ITPR1: variants seen among roughly 807,000 people sequenced by gnomAD.
ITPR1 encodes the protein inositol 1,4,5-trisphosphate-gated calcium channel ITPR1.
ITPR1 carries 96 observed loss-of-function variants against 318.4 expected under a neutral mutation model. That is an observed-to-expected ratio of 0.30 (90% confidence interval 0.26 to 0.36). ITPR1 has a LOEUF of 0.36. Among genes scored for constraint, ITPR1 ranks in the 10% least tolerant of loss-of-function variants. The pLI, the probability that ITPR1 is intolerant of heterozygous loss-of-function variation, is 1.00. For missense variants in ITPR1, 2,440 were observed against 3,460.2 expected (o/e 0.71, Z 7.40); for synonymous variants, 1,312 against 1,289.9 (o/e 1.02, Z -0.37).
intron 40 of ITPR1, among the ~76,000 whole-genome samples, chr3:4,722,855 A>C (rs1020030569): frequency 1.3e-5 from 2 of 152,240 alleles, no homozygotes; most frequent in Non-Finnish European, 2.9e-5. Context: ...AGGAATCCTA[A>C]AGAATATTTG....
chr3:4,708,748 A>G (rs919149060), intron 37 of ITPR1, among the ~76,000 whole-genome samples: 4 of 152,244 alleles, frequency 2.6e-5, no homozygotes, highest in African/African-American at 9.6e-5. Flanking sequence ...AAGGATTTGC[A>G]TTATCCAGTT....
intron 54 of ITPR1, among the ~76,000 whole-genome samples, 194 bp downstream of exon 54, chr3:4,800,794 C>T (rs1450421039): frequency 6.6e-6 from 1 of 152,160 alleles, no homozygotes; most frequent in African/African-American, 2.4e-5. Flanking sequence ...GTGCAGTGAG[C>T]CTTGTAATGG....
chr3:4,796,417 G>T (rs188108455), intron 53 of ITPR1, among the ~76,000 whole-genome samples: 1 of 152,242 alleles, frequency 6.6e-6, no homozygotes, highest in Admixed American at 6.5e-5. Flanking sequence ...TAACCCTGCT[G>T]CCAGACAGCA....
At chr3:4,501,678 C>T (rs1236879943) in intron 2 of ITPR1, among the ~76,000 whole-genome samples, 4 of 152,232 alleles carry the variant, frequency 2.6e-5, no homozygotes, top group Non-Finnish European at 5.9e-5. Flanking sequence ...AGGCTAATCA[C>T]CAACCTGAGG....
chr3:4,808,534 C>A (rs150795441), intron 55 of ITPR1, among the ~76,000 whole-genome samples: 88 of 152,316 alleles, frequency 5.8e-4, no homozygotes, highest in African/African-American at 2.0e-3. Flanking sequence ...TAGGATCAAA[C>A]CAGATTATGG....
At chr3:4,814,050 C>A (rs999752235) in intron 57 of ITPR1, among the ~76,000 whole-genome samples, 5 of 152,176 alleles carry the variant, frequency 3.3e-5, no homozygotes, top group Non-Finnish European at 7.3e-5. Flanking sequence ...AACCTGTGTC[C>A]TGTGGCATAA....
In ITPR1 at chr3:4,826,793, C is replaced by T. The variant is rs938441197; in HGVS notation, c.8028+8551C>T. Among the ~76,000 whole-genome samples, 29 of 152,156 alleles carry T rather than the reference C, an allele frequency of 1.9e-4. No homozygotes were observed. The highest frequency in any genetic ancestry group is 3.8e-4 in the Non-Finnish European group (26 of 68,020). On this transcript the variant is annotated intron_variant, in intron 60 of 61. Coordinates refer to ENST00000649015, the MANE Select transcript of ITPR1 (RefSeq NM_001378452.1). The surrounding 1 kb of genome is among the most constrained non-coding windows in gnomAD (Gnocchi z 4.2). ...GCACTGACCTCCCAGTGCTCTCCTCCGAATTTCCTACATTCTGACCTTCGT... is the reference window on the plus strand; with the variant it reads ...GCACTGACCTCCCAGTGCTCTCCTCTGAATTTCCTACATTCTGACCTTCGT...
intron 4 of ITPR1, among the ~76,000 whole-genome samples, chr3:4,599,331 G>A (rs1224541647): frequency 6.6e-6 from 1 of 152,084 alleles, no homozygotes; most frequent in African/African-American, 2.4e-5. Flanking sequence ...CTTGTTTTTT[G>A]TTTAACTTGC....
intron 49 of ITPR1, among the ~76,000 whole-genome samples, chr3:4,781,168 C>T (rs951753979): frequency 6.6e-6 from 1 of 152,246 alleles, no homozygotes; most frequent in African/African-American, 2.4e-5. Flanking sequence ...TCCACCGTTA[C>T]TTCCAGGGCC....
At chr3:4,580,844 A>T (rs770207689) in intron 4 of ITPR1, among the ~76,000 whole-genome samples, 3 of 151,566 alleles carry the variant, frequency 2.0e-5, no homozygotes, top group Non-Finnish European at 4.4e-5. Flanking sequence ...ACATAGGGTG[A>T]GTGGCGCCCT....
At chr3:4,805,707 C>G (rs1372105358) in intron 54 of ITPR1, among the ~76,000 whole-genome samples, 1 of 152,172 alleles carries the variant, frequency 6.6e-6, no homozygotes, top group East Asian at 1.9e-4. Flanking sequence ...TCAGAAAATG[C>G]TTTTGATCAT....
At chr3:4,713,570 C>T (rs953618494) in intron 39 of ITPR1, among the ~76,000 whole-genome samples, 2 of 152,142 alleles carry the variant, frequency 1.3e-5, no homozygotes, top group African/African-American at 4.8e-5. Flanking sequence ...CCTGCCCCTA[C>T]CCATTAGTGC....
At chr3:4,657,437 C>T (rs1480183056) in intron 12 of ITPR1, among the ~76,000 whole-genome samples, 2 of 147,544 alleles carry the variant, frequency 1.4e-5, no homozygotes, top group Admixed American at 1.4e-4. Context: ...CTTCCACGGT[C>T]ATCTCTTAGT....
At chr3:4,740,633 G>A (rs2043631728) in intron 44 of ITPR1, among the ~76,000 whole-genome samples, 1 of 152,120 alleles carries the variant, frequency 6.6e-6, no homozygotes, top group Admixed American at 6.5e-5. Flanking sequence ...ACTCCCAGGG[G>A]TGGTGTCCCC....
rs182049467 is a variant in ITPR1, at chr3:4,564,866, G to A, written c.163+43772G>A. ...AGGAGTTTAAAAAAGGGGTTTTCCAGCGCTAGACAAATTCTAAAAGAGCTG... is the reference window on the plus strand; with the variant it reads ...AGGAGTTTAAAAAAGGGGTTTTCCAACGCTAGACAAATTCTAAAAGAGCTG... On this transcript the variant is annotated intron_variant, in intron 4 of 61. Transcript: ENST00000649015. Among the ~76,000 whole-genome samples the A allele has an allele frequency of 4.6e-5, 7 of 152,288 alleles. No individual in the cohort carries two copies. The East Asian group carries it at 9.6e-4, about 21-fold the overall frequency.
At chr3:4,669,992 G>C (rs2094038478) in intron 19 of ITPR1, among the ~76,000 whole-genome samples, 1 of 152,182 alleles carries the variant, frequency 6.6e-6, no homozygotes, top group African/African-American at 2.4e-5. Flanking sequence ...TTGCATACAA[G>C]TTTAGAAGTC....
At chr3:4,564,103 G>A (rs1042837738) in intron 4 of ITPR1, among the ~76,000 whole-genome samples, 6 of 151,996 alleles carry the variant, frequency 3.9e-5, no homozygotes, top group Non-Finnish European at 7.4e-5. Context: ...CACCATGCCC[G>A]GCTAATTTTT....
At chr3:4,635,643 C>T (rs1475034368) in intron 5 of ITPR1, among the ~76,000 whole-genome samples, 2 of 151,986 alleles carry the variant, frequency 1.3e-5, no homozygotes, top group Admixed American at 6.6e-5. Context: ...CTGCGCCCAG[C>T]CAAAAGGTGC....
intron 10 of ITPR1, among the ~76,000 whole-genome samples, chr3:4,648,152 CAA>C (rs35484832): frequency 7.1e-6 from 1 of 141,268 alleles, no homozygotes. Flanking sequence ...AACTCTGTCT[CAA>C]AAAAAAAAAG....
Sources: gnomAD v4.1 joint callset for allele counts (sites outside exome capture counted in the v4.1 genomes callset) on GRCh38, gnomAD v4.1.1 for gene constraint, Gnocchi (gnomAD v3.1) non-coding constraint, MANE v1.5 for transcripts, NCBI Gene and HGNC (gene_info 2026-07-23, HGNC 2026-07-21) for gene names.